The following KIAA0825 variants were observed in gnomAD, a reference collection of about 807,000 sequenced individuals.
KIAA0825 encodes the protein uncharacterized protein KIAA0825.
In KIAA0825, 119 loss-of-function variants were observed where a neutral mutation model predicts 147.6. The observed-to-expected ratio is 0.81, with a 90% CI of 0.69 to 0.94. The LOEUF (loss-of-function observed/expected upper bound fraction) is 0.94. Among genes scored for constraint, KIAA0825 ranks in the 40% least tolerant of loss-of-function variants. The pLI, the probability that KIAA0825 is intolerant of heterozygous loss-of-function variation, is 0.00. For synonymous variants in KIAA0825, 470 were observed against 518.1 expected, an observed-to-expected ratio of 0.91 and a Z score of 1.26; for missense variants, 1,381 against 1,472.7, an observed-to-expected ratio of 0.94 and a Z score of 1.02.
intron 15 of KIAA0825, among the ~76,000 whole-genome samples, chr5:94,404,948 C>T (rs2150634716): frequency 6.6e-6 from 1 of 152,222 alleles, no homozygotes; most frequent in South Asian, 2.1e-4. Flanking sequence ...TGTTAGTTTT[C>T]ACCTTCCACG....
At chr5:94,530,271 C>CAAAAAAAA (rs770501364) in intron 3 of KIAA0825, among the ~76,000 whole-genome samples, 3 of 54,568 alleles carry the variant, frequency 5.5e-5, no homozygotes, top group Non-Finnish European at 6.9e-5. Context: ...AACTCCGTCA[C>CAAAAAAAA]AAAAAAAAAA....
intron 20 of KIAA0825, among the ~76,000 whole-genome samples, chr5:94,188,319 G>T (rs1770348343): frequency 6.6e-6 from 1 of 152,172 alleles, no homozygotes; most frequent in Non-Finnish European, 1.5e-5. Flanking sequence ...ATTGTAATTT[G>T]TAAGTATTTG....
chr5:94,566,570 C>G (rs1051483221), intron 2 of KIAA0825, among the ~76,000 whole-genome samples: 2 of 151,944 alleles, frequency 1.3e-5, no homozygotes, highest in African/African-American at 4.8e-5. Flanking sequence ...TTTTTGCATA[C>G]TTTAATGAGT....
rs758940038 is a variant in KIAA0825 at position 94,524,033 on chromosome 5, T to G, written c.197A>C (p.Gln66Pro). ...INKQCPGVQL[Q>P]TTTDCFEWLT... ...CCATTCAAAGCAGTCAGTTGTTGTT[T>G]GCAGCTGCACACCTGGACATTGTTT... The change falls in exon 4 of 21, where the codon CAA becomes CCA. Residue 66 changes from glutamine to proline, a missense_variant. Gln to Pro is a moderately conservative substitution (Grantham distance 76, BLOSUM62 -1). Transcript: ENST00000682413. 6.2e-7 allele frequency: 1 copy of G among 1,610,198 alleles called. No homozygotes were observed. Among genetic ancestry groups the G allele is most frequent in the South Asian group, 1.1e-5 (1 of 90,814 alleles).
At chr5:94,215,773 T>C (rs928923867) in intron 20 of KIAA0825, among the ~76,000 whole-genome samples, 5 of 152,096 alleles carry the variant, frequency 3.3e-5, no homozygotes, top group Non-Finnish European at 7.4e-5. Context: ...GCCCTCCTAC[T>C]CTTAGCTCCT....
intron 3 of KIAA0825, among the ~76,000 whole-genome samples, chr5:94,526,601 T>TA: frequency 6.6e-6 from 1 of 152,028 alleles, no homozygotes; most frequent in Non-Finnish European, 1.5e-5. Context: ...AAAGCATTTT[T>TA]AAAATGCAAT....
At chr5:94,197,604 G>C (rs1771254191) in intron 20 of KIAA0825, among the ~76,000 whole-genome samples, 1 of 152,066 alleles carries the variant, frequency 6.6e-6, no homozygotes, top group Non-Finnish European at 1.5e-5. Flanking sequence ...TATAGTTTTA[G>C]GTCTTACATT....
At chr5:94,329,941 C>CA (rs1245842198) in intron 20 of KIAA0825, among the ~76,000 whole-genome samples, 3 of 152,042 alleles carry the variant, frequency 2.0e-5, no homozygotes, top group Admixed American at 2.0e-4. Context: ...GTTCTGCAGA[C>CA]AGAGTAAGAT....
At chr5:94,282,017 AGCAT>A (rs1348532207) in intron 20 of KIAA0825, among the ~76,000 whole-genome samples, 2 of 152,026 alleles carry the variant, frequency 1.3e-5, no homozygotes, top group Admixed American at 6.6e-5. Flanking sequence ...CTGTCATCTC[AGCAT>A]GCCTGCCACC....
intron 20 of KIAA0825, among the ~76,000 whole-genome samples, chr5:94,267,006 T>A (rs375397054): frequency 3.3e-5 from 5 of 152,156 alleles, no homozygotes; most frequent in South Asian, 4.1e-4. Flanking sequence ...TGAAGCAATA[T>A]AAAGGAAGCA....
chr5:94,580,144 T>TA (rs764837714), intron 2 of KIAA0825, among the ~76,000 whole-genome samples: 3 of 151,982 alleles, frequency 2.0e-5, no homozygotes, highest in Non-Finnish European at 4.4e-5. Flanking sequence ...TGTTGAAAAA[T>TA]AAAGACATAG....
intron 20 of KIAA0825, among the ~76,000 whole-genome samples, chr5:94,245,580 C>A (rs2150111172): frequency 6.6e-6 from 1 of 152,142 alleles, no homozygotes; most frequent in South Asian, 2.1e-4. Context: ...AGTTCTAGGC[C>A]ATTTATTGAC....
chr5:94,525,542 C>T (rs1405261917), intron 3 of KIAA0825, among the ~76,000 whole-genome samples: 2 of 151,946 alleles, frequency 1.3e-5, no homozygotes, highest in Non-Finnish European at 2.9e-5. Context: ...ACTTCTACGT[C>T]TGACAAGAGA....
chr5:94,515,857 C>G (rs545524889), intron 5 of KIAA0825, among the ~76,000 whole-genome samples: 1 of 151,188 alleles, frequency 6.6e-6, no homozygotes, highest in South Asian at 2.1e-4. Flanking sequence ...ATTCAGAAAG[C>G]GTTGCTTTGT....
At chr5:94,371,404 G>A (rs1412135074) in intron 20 of KIAA0825, among the ~76,000 whole-genome samples, 1 of 152,132 alleles carries the variant, frequency 6.6e-6, no homozygotes, top group African/African-American at 2.4e-5. Flanking sequence ...ACCCAAGACT[G>A]GGTAATTTAT....
At chr5:94,321,842 T>C (rs1006891285) in intron 20 of KIAA0825, among the ~76,000 whole-genome samples, 5 of 152,008 alleles carry the variant, frequency 3.3e-5, no homozygotes, top group African/African-American at 9.7e-5. Context: ...TAATTAGTGA[T>C]ACTGAAGGTA....
rs1775788069 is a variant in KIAA0825, at chr5:94,248,963, A to G, written c.3711-94839T>C. ...TTACATGATTTAACCTAATTGTTAA[A>G]TGGTCACACAGATTTGGTGCTATAA... On this transcript the variant is annotated intron_variant, in intron 20 of 20. Coordinates refer to ENST00000682413, the MANE Select transcript of KIAA0825 (RefSeq NM_001145678.3). 2.0e-5 allele frequency among the ~76,000 whole-genome samples: 3 copies of G among 152,156 alleles called. No individual in the cohort carries two copies. In the South Asian group the frequency reaches 6.2e-4, roughly 31 times the overall value.
At chr5:94,498,700 T>G (rs1584691055) in intron 5 of KIAA0825, among the ~76,000 whole-genome samples, 1 of 152,330 alleles carries the variant, frequency 6.6e-6, no homozygotes, top group East Asian at 1.9e-4. Flanking sequence ...CATTAATTAT[T>G]TATAGGATAG....
At chr5:94,198,408 A>G (rs1193647432) in intron 20 of KIAA0825, among the ~76,000 whole-genome samples, 1 of 151,640 alleles carries the variant, frequency 6.6e-6, no homozygotes, top group African/African-American at 2.4e-5. Flanking sequence ...AAAGAGAGAG[A>G]GTTTAAATTT....
Sources: gnomAD v4.1 joint callset for allele counts (sites outside exome capture counted in the v4.1 genomes callset) on GRCh38, gnomAD v4.1.1 for gene constraint, MANE v1.5 for transcripts, NCBI Gene and HGNC (gene_info 2026-07-23, HGNC 2026-07-21) for gene names.